Variants in RHOU observed in about 807,000 individuals in gnomAD.
RHOU encodes rho-related GTP-binding protein RhoU.
RHOU carries 8 observed loss-of-function variants against 12.6 expected under a neutral mutation model. The ratio of observed to expected loss-of-function variants is 0.64; its 90% CI spans 0.37 to 1.15. The LOEUF is 1.15. Ranked by LOEUF, RHOU falls within the 50% of genes most tolerant of loss-of-function variation. The pLI is 0.01. For missense variants in RHOU, 258 were observed against 347.0 expected (o/e 0.74, Z 2.04); for synonymous variants, 161 against 147.4 (o/e 1.09, Z -0.67).
the RHOU span, among the ~76,000 whole-genome samples, chr1:228,685,725 G>A: frequency 3.3e-5 from 5 of 152,150 alleles, no homozygotes; most frequent in Non-Finnish European, 7.3e-5. Flanking sequence ...ATGTATTTCT[G>A]TTAATCAAAA....
At chr1:228,707,103 TAC>T in the RHOU span, among the ~76,000 whole-genome samples, 3 of 93,054 alleles carry the variant, frequency 3.2e-5, no homozygotes, top group African/African-American at 1.6e-4. Context: ...CATATATACA[TAC>T]ATATATATAT....
chr1:228,676,743 G>A, the RHOU span, among the ~76,000 whole-genome samples: 1 of 151,738 alleles, frequency 6.6e-6, no homozygotes, highest in East Asian at 1.9e-4. Context: ...TTTGCAGGCA[G>A]GGGGTGGATC....
chr1:228,667,687 T>C, the RHOU span, among the ~76,000 whole-genome samples: 1 of 152,234 alleles, frequency 6.6e-6, no homozygotes, highest in Non-Finnish European at 1.5e-5. Flanking sequence ...TGATCAATAC[T>C]ATTTTTAAAT....
the RHOU span, among the ~76,000 whole-genome samples, chr1:228,704,275 C>A: frequency 6.6e-6 from 1 of 152,004 alleles, no homozygotes. Context: ...AAGCTGTAAC[C>A]CAACCACCTT....
the RHOU span, among the ~76,000 whole-genome samples, chr1:228,662,502 C>CA: frequency 2.5e-4 from 38 of 152,106 alleles, no homozygotes; most frequent in Non-Finnish European, 1.5e-5. Context: ...TATGCTGCCA[C>CA]AAAAAAGGAT....
chr1:228,689,523 T>C, the RHOU span, among the ~76,000 whole-genome samples: 6 of 152,256 alleles, frequency 3.9e-5, no homozygotes, highest in East Asian at 1.2e-3. Flanking sequence ...TGCAATCACT[T>C]GACTACTTTG....
the RHOU span, among the ~76,000 whole-genome samples, chr1:228,722,833 G>T: frequency 6.6e-6 from 1 of 152,138 alleles, no homozygotes; most frequent in Non-Finnish European, 1.5e-5. Context: ...ACGTTGGCCA[G>T]GATGGTCTCG....
At chr1:228,736,298 CAG>C (rs1354988135) in intron 1 of RHOU, among the ~76,000 whole-genome samples, 1 of 147,756 alleles carries the variant, frequency 6.8e-6, no homozygotes, top group Non-Finnish European at 1.5e-5. Flanking sequence ...ATTTAAGCAA[CAG>C]ATAAGTAGGA....
At position 228,737,032 on chromosome 1, in the gene RHOU, A is replaced by G. The variant is rs1662626191; in HGVS notation, c.263-641A>G. Among the ~76,000 whole-genome samples the G allele has an allele frequency of 6.6e-6, 1 of 151,746 alleles. No homozygotes were observed. Among genetic ancestry groups the G allele is most frequent in the Non-Finnish European group, 1.5e-5 (1 of 68,012 alleles). Reference sequence around the variant, plus strand: ...ACAAAACTGACTGCTTAATTAAAATAGAAACCTCCACAACATGTCCTGCTG... The same window carrying G: ...ACAAAACTGACTGCTTAATTAAAATGGAAACCTCCACAACATGTCCTGCTG... On this transcript the variant is annotated intron_variant, in intron 1 of 2. Coordinates refer to ENST00000366691, the MANE Select transcript of RHOU (RefSeq NM_021205.6). This position sits in a 1 kb window ranked among gnomAD's most constrained non-coding sequence, Gnocchi z 4.1.
chr1:228,665,969 C>CTT, the RHOU span, among the ~76,000 whole-genome samples: 16 of 149,990 alleles, frequency 1.1e-4, no homozygotes, highest in Non-Finnish European at 1.5e-4. Flanking sequence ...TAGAAGTGTT[C>CTT]TTTTTTTTTT....
At chr1:228,704,891 C>A in the RHOU span, among the ~76,000 whole-genome samples, 1 of 152,128 alleles carries the variant, frequency 6.6e-6, no homozygotes, top group South Asian at 2.1e-4. Flanking sequence ...CAACCTTCAC[C>A]TCCTGGGTTC....
chr1:228,679,751 G>A, the RHOU span, among the ~76,000 whole-genome samples: 3 of 151,978 alleles, frequency 2.0e-5, no homozygotes, highest in Non-Finnish European at 4.4e-5. Context: ...AGGGTGATTA[G>A]GTTTTAATGG....
chr1:228,650,065 C>T, the RHOU span: 1 of 400,466 alleles, frequency 2.5e-6, no homozygotes, highest in Non-Finnish European at 4.8e-6. Context: ...TCTCTAAAGG[C>T]ATCTGCAATC....
the RHOU span, among the ~76,000 whole-genome samples, chr1:228,707,146 G>GTA: frequency 2.8e-5 from 2 of 71,370 alleles, no homozygotes; most frequent in African/African-American, 1.3e-4. Flanking sequence ...ATATATATAT[G>GTA]TATATATATA....
the RHOU span, among the ~76,000 whole-genome samples, chr1:228,691,873 G>T: frequency 6.6e-6 from 1 of 152,138 alleles, no homozygotes; most frequent in African/African-American, 2.4e-5. Context: ...CGTTAACAAA[G>T]TCAATATGAA....
chr1:228,707,398 T>C, the RHOU span, among the ~76,000 whole-genome samples: 1 of 148,926 alleles, frequency 6.7e-6, no homozygotes, highest in East Asian at 2.0e-4. Flanking sequence ...GATGGGTGAT[T>C]TCTGCATTTC....
chr1:228,707,258 G>A, the RHOU span, among the ~76,000 whole-genome samples: 107 of 35,714 alleles, frequency 3.0e-3, no homozygotes, highest in African/African-American at 0.018. Context: ...TATATATAGT[G>A]TGTGTGTGTG....
At chr1:228,695,168 G>A in the RHOU span, among the ~76,000 whole-genome samples, 10 of 151,984 alleles carry the variant, frequency 6.6e-5, no homozygotes, top group East Asian at 1.9e-4. Flanking sequence ...TGGGGTTTTG[G>A]TATGTTGCCC....
the RHOU span, among the ~76,000 whole-genome samples, chr1:228,702,509 G>A: frequency 6.6e-6 from 1 of 152,134 alleles, no homozygotes; most frequent in African/African-American, 2.4e-5. Context: ...CTGAGGACAT[G>A]TCCCCATATG....
Sources: gnomAD v4.1 joint callset for allele counts (sites outside exome capture counted in the v4.1 genomes callset) on GRCh38, gnomAD v4.1.1 for gene constraint, Gnocchi (gnomAD v3.1) non-coding constraint, MANE v1.5 for transcripts, NCBI Gene and HGNC (gene_info 2026-07-23, HGNC 2026-07-21) for gene names.